BMPR1A: variants seen among roughly 807,000 people sequenced by gnomAD.
The protein encoded by BMPR1A is bone morphogenetic protein receptor type 1A.
Under a neutral mutation model 66.0 loss-of-function variants are expected in BMPR1A, and 7 were observed. The observed-to-expected ratio is 0.11, with a 90% CI of 0.06 to 0.20. The LOEUF is 0.20. Among genes scored for constraint, BMPR1A ranks in the 10% least tolerant of loss-of-function variants. The pLI is 1.00. For missense variants in BMPR1A, 408 were observed against 669.1 expected, an observed-to-expected ratio of 0.61 and a Z score of 4.31; for synonymous variants, 200 against 229.7, an observed-to-expected ratio of 0.87 and a Z score of 1.17.
At chr10:86,783,358 G>C (rs1188736595) in intron 1 of BMPR1A, among the ~76,000 whole-genome samples, 1 of 152,188 alleles carries the variant, frequency 6.6e-6, no homozygotes, top group Non-Finnish European at 1.5e-5. Context: ...CTGATTTCAG[G>C]ATGGCTTTTT....
At position 86,921,649 on chromosome 10, in the gene BMPR1A, C is replaced by T. The variant is rs1060504907; in HGVS notation, c.1296C>T (p.Ser432=). The part of the protein sequence containing the change: ...FQPYIMADIY[S]FGLIIWEMAR... ...CCTACATCATGGCTGACATCTACAG[C>T]TTCGGCCTAATCATTTGGGAGATGG... The change falls in exon 11 of 13, where the codon AGC becomes AGT. Residue 432 remains serine, a synonymous_variant. Coordinates refer to ENST00000372037, the MANE Select transcript of BMPR1A (RefSeq NM_004329.3). 3.7e-6 allele frequency: 6 copies of T among 1,614,094 alleles called. No individual in the cohort carries two copies. The highest frequency in any genetic ancestry group is 5.1e-6 in the Non-Finnish European group (6 of 1,180,052).
At chr10:86,904,666 G>A (rs1189654710) in intron 7 of BMPR1A, among the ~76,000 whole-genome samples, 1 of 152,082 alleles carries the variant, frequency 6.6e-6, no homozygotes, top group African/African-American at 2.4e-5. Context: ...ATGAAGATCC[G>A]GAAATGGGGA....
chr10:86,836,472 G>A (rs965022562), intron 1 of BMPR1A, among the ~76,000 whole-genome samples: 5 of 152,106 alleles, frequency 3.3e-5, no homozygotes, highest in Non-Finnish European at 7.4e-5. Context: ...ATACATGTGC[G>A]GGACTAGCTA....
At chr10:86,855,242 A>G in intron 2 of BMPR1A, 1 of 1,061,816 alleles carries the variant, frequency 9.4e-7, no homozygotes, top group Non-Finnish European at 1.3e-6. Flanking sequence ...CAGGTTTCAG[A>G]CACACAGAAG....
At chr10:86,821,015 T>C (rs1368326549) in intron 1 of BMPR1A, among the ~76,000 whole-genome samples, 1 of 152,250 alleles carries the variant, frequency 6.6e-6, no homozygotes, top group Admixed American at 6.5e-5. Context: ...CTAGGGCATG[T>C]CATTTCCATC....
intron 7 of BMPR1A, among the ~76,000 whole-genome samples, chr10:86,907,098 T>G (rs1018063857): frequency 2.0e-5 from 3 of 152,250 alleles, no homozygotes; most frequent in Admixed American, 6.5e-5. Context: ...ACCAGTTGCC[T>G]TCCCCTTTTA....
At chr10:86,802,857 G>C (rs113142397) in intron 1 of BMPR1A, among the ~76,000 whole-genome samples, 3 of 151,610 alleles carry the variant, frequency 2.0e-5, no homozygotes, top group Admixed American at 2.0e-4. Flanking sequence ...GATTGCTTGA[G>C]CCCAGGAGTT....
chr10:86,835,156 G>A (rs1216908806), intron 1 of BMPR1A, among the ~76,000 whole-genome samples: 2 of 151,084 alleles, frequency 1.3e-5, no homozygotes, highest in South Asian at 2.1e-4. Context: ...GATCCTTAGA[G>A]CCTGGAAGGT....
At chr10:86,860,769 C>CAAA (rs772036957) in intron 2 of BMPR1A, among the ~76,000 whole-genome samples, 1 of 79,708 alleles carries the variant, frequency 1.3e-5, no homozygotes, top group African/African-American at 4.6e-5. Flanking sequence ...GACTCCATAT[C>CAAA]AAAAAAAAAA....
chr10:86,890,335 A>G (rs1843130810), intron 4 of BMPR1A, 111 bp downstream of exon 4: 1 of 1,343,826 alleles, frequency 7.4e-7, no homozygotes, highest in Non-Finnish European at 1.0e-6. Context: ...CATATATAGT[A>G]TCTTTCCAGA....
chr10:86,921,686 A>G lies in BMPR1A; in HGVS notation c.1333A>G (p.Ile445Val), dbSNP rs587781503. Residue 445 changes from isoleucine to valine, a missense_variant, in exon 11 of 13, where the codon ATC becomes GTC. Physicochemically the swap from Ile to Val is conservative, Grantham distance 29. This residue lies in a region of BMPR1A where 130 missense variants were observed against 257.3 expected (regional missense o/e 0.51). Coordinates refer to ENST00000372037, the MANE Select transcript of BMPR1A (RefSeq NM_004329.3). ...CATTTGGGAGATGGCTCGTCGTTGTATCACAGGAGGTGGGAGTTTGAGTAG... is the reference window on the plus strand; with the variant it reads ...CATTTGGGAGATGGCTCGTCGTTGTGTCACAGGAGGTGGGAGTTTGAGTAG... The part of the protein sequence containing the change: ...LIIWEMARRC[I>V]TGGIVEEYQL... 10 of 1,614,134 alleles carry G rather than the reference A, an allele frequency of 6.2e-6. No individual in the cohort carries two copies. The highest frequency in any genetic ancestry group is 1.6e-4 in the Middle Eastern group (1 of 6,084).
intron 2 of BMPR1A, among the ~76,000 whole-genome samples, chr10:86,850,215 GGAGGCT>G (rs1305123088): frequency 6.6e-6 from 1 of 151,990 alleles, no homozygotes; most frequent in African/African-American, 2.4e-5. Flanking sequence ...CAGCTCCTTG[GGAGGCT>G]GAGGCAGGAG....
At chr10:86,848,044 G>A (rs1842511211) in intron 2 of BMPR1A, among the ~76,000 whole-genome samples, 1 of 151,516 alleles carries the variant, frequency 6.6e-6, no homozygotes, top group Non-Finnish European at 1.5e-5. Context: ...CAATTCTCCT[G>A]CCTCAGCCTC....
At chr10:86,765,743 G>T (rs1046588936) in intron 1 of BMPR1A, among the ~76,000 whole-genome samples, 3 of 152,082 alleles carry the variant, frequency 2.0e-5, no homozygotes, top group African/African-American at 7.2e-5. Context: ...ATTTGTGGTT[G>T]AAATTTCAAA....
chr10:86,781,879 T>TA, intron 1 of BMPR1A, among the ~76,000 whole-genome samples: 1 of 147,688 alleles, frequency 6.8e-6, no homozygotes, highest in African/African-American at 2.5e-5. Context: ...TTTTTTTTTT[T>TA]TGAGATGGAG....
chr10:86,826,885 TTTATG>T (rs1842203370), intron 1 of BMPR1A, among the ~76,000 whole-genome samples: 1 of 152,144 alleles, frequency 6.6e-6, no homozygotes, highest in South Asian at 2.1e-4. Flanking sequence ...GTAATAGACA[TTTATG>T]TAATGTGGGC....
At chr10:86,921,354 A>T (rs972958223) in intron 10 of BMPR1A, among the ~76,000 whole-genome samples, 166 bp from the exon 11 acceptor site, 1 of 152,214 alleles carries the variant, frequency 6.6e-6, no homozygotes, top group Non-Finnish European at 1.5e-5. Flanking sequence ...TGAGGATGTC[A>T]TGTAGTATGT....
intron 1 of BMPR1A, among the ~76,000 whole-genome samples, chr10:86,824,081 T>TTTGTG (rs1842157926): frequency 1.1e-5 from 1 of 94,036 alleles, no homozygotes; most frequent in African/African-American, 2.9e-5. Context: ...TTACCAAGGG[T>TTTGTG]TGTGTGTGTG....
chr10:86,848,011 A>T (rs116236266), intron 2 of BMPR1A, among the ~76,000 whole-genome samples: 5,090 of 150,802 alleles, frequency 0.034, 190 homozygotes, highest in African/African-American at 0.093. Context: ...GGCTCACTGC[A>T]CCCTTCGCCC....
Sources: gnomAD v4.1 joint callset for allele counts (sites outside exome capture counted in the v4.1 genomes callset) on GRCh38, gnomAD v4.1.1 for gene constraint, gnomAD v4.1.1 regional missense constraint, MANE v1.5 for transcripts, NCBI Gene and HGNC (gene_info 2026-07-23, HGNC 2026-07-21) for gene names.